NKAIN2: variants seen among roughly 807,000 people sequenced by gnomAD.
NKAIN2 encodes the protein sodium/potassium transporting ATPase interacting 2, also known as sodium/potassium-transporting ATPase subunit beta-1-interacting protein 2.
A neutral mutation model predicts 32.6 loss-of-function variants in NKAIN2; 14 were observed. The ratio of observed to expected loss-of-function variants is 0.43; its 90% confidence interval spans 0.28 to 0.67. The LOEUF (loss-of-function observed/expected upper bound fraction) is 0.67. NKAIN2 is among the 30% of genes least tolerant of loss of function. The probability of loss-of-function intolerance (pLI) is 0.17; values close to 1 mark genes in which losing one functional copy is unlikely to be tolerated. For missense variants in NKAIN2, 198 were observed against 258.3 expected (o/e 0.77, Z 1.60); for synonymous variants, 80 against 87.2 (o/e 0.92, Z 0.46).
intron 4 of NKAIN2, among the ~76,000 whole-genome samples, chr6:124,693,633 G>C (rs909418021): frequency 2.0e-5 from 3 of 152,194 alleles, no homozygotes; most frequent in Non-Finnish European, 2.9e-5. Flanking sequence ...ACTTCTGTCT[G>C]AGCCTTGAAG....
At chr6:124,054,667 A>T (rs1260337301) in intron 1 of NKAIN2, among the ~76,000 whole-genome samples, 1 of 151,978 alleles carries the variant, frequency 6.6e-6, no homozygotes, top group Non-Finnish European at 1.5e-5. Flanking sequence ...TGATTTCCTG[A>T]TCAGAGATCA....
intron 5 of NKAIN2, among the ~76,000 whole-genome samples, chr6:124,803,657 C>T (rs1225044206): frequency 6.6e-6 from 1 of 152,158 alleles, no homozygotes; most frequent in African/African-American, 2.4e-5. Flanking sequence ...TCTGAAGGCT[C>T]TCCATAGACC....
At chr6:124,342,883 CAGTT>C (rs1562500710) in intron 2 of NKAIN2, among the ~76,000 whole-genome samples, 1 of 148,970 alleles carries the variant, frequency 6.7e-6, no homozygotes, top group Non-Finnish European at 1.5e-5. Context: ...CACAATGTGC[CAGTT>C]AGTTACATAT....
chr6:123,912,708 C>A (rs1203077220), intron 1 of NKAIN2, among the ~76,000 whole-genome samples: 1 of 152,182 alleles, frequency 6.6e-6, no homozygotes, highest in African/African-American at 2.4e-5. Context: ...AGCTTAGCTT[C>A]CTGAGGCCCT....
Position 124,074,945 on chromosome 6 carries a change from A to G in NKAIN2, c.55-208060A>G, listed in dbSNP as rs577042970. Among the ~76,000 whole-genome samples the G allele has an allele frequency of 7.3e-4, 111 of 152,300 alleles. 1 individual carries two copies. The highest frequency in any genetic ancestry group is 1.4e-3 in the Admixed American group (21 of 15,288). On this transcript the variant is annotated intron_variant, in intron 1 of 6. Coordinates refer to ENST00000368417, the MANE Select transcript of NKAIN2 (RefSeq NM_001040214.3). ...TCTATTTAGTCTTCACGTTTTATTCATGAGCCTAGCATTATGCTTGACATA... is the reference window on the plus strand; with the variant it reads ...TCTATTTAGTCTTCACGTTTTATTCGTGAGCCTAGCATTATGCTTGACATA...
chr6:124,035,490 C>G (rs1437371831), intron 1 of NKAIN2, among the ~76,000 whole-genome samples: 1 of 152,208 alleles, frequency 6.6e-6, no homozygotes, highest in East Asian at 1.9e-4. Flanking sequence ...CCCAGCTAAT[C>G]TCCTGTAGTT....
chr6:124,383,032 T>C (rs1212227740), intron 3 of NKAIN2, among the ~76,000 whole-genome samples: 1 of 152,186 alleles, frequency 6.6e-6, no homozygotes, highest in Non-Finnish European at 1.5e-5. Flanking sequence ...AAAGCAAGCA[T>C]AGCGGTTAGC....
At chr6:123,938,113 A>G (rs1295573371) in intron 1 of NKAIN2, among the ~76,000 whole-genome samples, 1 of 151,908 alleles carries the variant, frequency 6.6e-6, no homozygotes, top group Non-Finnish European at 1.5e-5. Context: ...CTATTTGTTC[A>G]AGCTACTGCT....
At chr6:124,436,650 G>A (rs1313215497) in intron 3 of NKAIN2, among the ~76,000 whole-genome samples, 1 of 152,060 alleles carries the variant, frequency 6.6e-6, no homozygotes, top group Non-Finnish European at 1.5e-5. Flanking sequence ...CCTTGCCTCT[G>A]TCCTCAGGGT....
chr6:123,976,310 T>TCCATATATATATATGTTC lies in NKAIN2; in HGVS notation c.54+172089_54+172106dup, dbSNP rs1562287382. On this transcript the variant is annotated intron_variant, in intron 1 of 6. Coordinates refer to ENST00000368417, the MANE Select transcript of NKAIN2 (RefSeq NM_001040214.3). Reference sequence around the variant, plus strand: ...ATATATATGTTTCCATATATATGTTTCCATATATATATATGTTCCCATATA... The same window carrying TCCATATATATATATGTTC: ...ATATATATGTTTCCATATATATGTTTCCATATATATATATGTTCCCATATATATATATGTTCCCATATA... 1.8e-3 allele frequency among the ~76,000 whole-genome samples: 123 copies of TCCATATATATATATGTTC among 67,590 alleles called. 2 individuals are homozygous for TCCATATATATATATGTTC. The highest frequency in any genetic ancestry group is 7.9e-3 in the Middle Eastern group (1 of 126). The allele number at this position is 67,590 out of a possible 152,430, so 44.3% of individuals were successfully genotyped here. A position where few individuals can be genotyped will look rare whatever the true frequency, so the allele number is the denominator to read the frequency against.
At chr6:124,158,485 G>C (rs546606233) in intron 1 of NKAIN2, among the ~76,000 whole-genome samples, 1 of 152,154 alleles carries the variant, frequency 6.6e-6, no homozygotes, top group African/African-American at 2.4e-5. Context: ...AGAAAATTGT[G>C]TGGAATCAGA....
At position 124,087,143 on chromosome 6, in the gene NKAIN2, C is replaced by CT. The variant is rs570785032; in HGVS notation, c.55-195859dup. On this transcript the variant is annotated intron_variant, in intron 1 of 6. Coordinates refer to ENST00000368417, the MANE Select transcript of NKAIN2 (RefSeq NM_001040214.3). ...CATGTAAAAATCAATTAATGTAAAC[C>CT]TTTATATCAACAGATTAAATGAAGA... is the stretch of plus-strand genomic sequence containing the variant. Among the ~76,000 whole-genome samples the CT allele has an allele frequency of 3.2e-3, 483 of 151,978 alleles. 1 individual carries two copies. The highest frequency in any genetic ancestry group is 0.011 in the African/African-American group (447 of 41,490).
intron 4 of NKAIN2, among the ~76,000 whole-genome samples, chr6:124,783,554 G>T (rs1365532203): frequency 6.6e-6 from 1 of 152,132 alleles, no homozygotes; most frequent in Non-Finnish European, 1.5e-5. Context: ...TGTTATTGCA[G>T]GTTGATAACT....
chr6:124,563,927 G>C (rs528054834), intron 3 of NKAIN2, among the ~76,000 whole-genome samples: 3 of 152,096 alleles, frequency 2.0e-5, no homozygotes, highest in Admixed American at 6.6e-5. Flanking sequence ...GGAATGCAGC[G>C]AGTCATTATG....
chr6:123,975,071 G>A (rs531394519), intron 1 of NKAIN2, among the ~76,000 whole-genome samples: 3 of 152,010 alleles, frequency 2.0e-5, no homozygotes, highest in African/African-American at 7.3e-5. Context: ...ATAGATAGAA[G>A]GAGAAAATAA....
chr6:124,145,466 C>T (rs1429967850), intron 1 of NKAIN2, among the ~76,000 whole-genome samples: 1 of 151,874 alleles, frequency 6.6e-6, no homozygotes, highest in African/African-American at 2.4e-5. Context: ...GGATGCATCT[C>T]CAGGGAATTA....
chr6:124,347,317 A>C (rs1044983827), intron 2 of NKAIN2, among the ~76,000 whole-genome samples: 22 of 151,746 alleles, frequency 1.4e-4, no homozygotes, highest in Admixed American at 1.2e-3. Flanking sequence ...TGTGTCTTGG[A>C]GTTGCTCTTC....
rs866893939 is a variant in NKAIN2 at position 124,552,538 on chromosome 6, A to G, written c.274-105648A>G. Among the ~76,000 whole-genome samples the G allele has an allele frequency of 3.7e-4, 57 of 152,330 alleles. No homozygotes were observed. In the Middle Eastern group the frequency reaches 0.014, roughly 36 times the overall value. On this transcript the variant is annotated intron_variant, in intron 3 of 6. Transcript: ENST00000368417. ...GTAGAAGAGACATCGAAGTCCATCTAATCTGGCATATTCTCTTATATAAAG... is the reference window on the plus strand; with the variant it reads ...GTAGAAGAGACATCGAAGTCCATCTGATCTGGCATATTCTCTTATATAAAG...
intron 3 of NKAIN2, among the ~76,000 whole-genome samples, chr6:124,589,388 G>A (rs76213197): frequency 0.04 from 6,121 of 152,102 alleles, 173 homozygotes; most frequent in East Asian, 0.096. Context: ...TCTAATATTC[G>A]TTAAATATTA....
Sources: gnomAD v4.1 joint callset for allele counts (sites outside exome capture counted in the v4.1 genomes callset) on GRCh38, gnomAD v4.1.1 for gene constraint, MANE v1.5 for transcripts, NCBI Gene and HGNC (gene_info 2026-07-23, HGNC 2026-07-21) for gene names.